The following JAKMIP1 variants were observed in gnomAD, a reference collection of about 807,000 sequenced individuals.
JAKMIP1 encodes janus kinase and microtubule-interacting protein 1.
Under a neutral mutation model 113.0 loss-of-function variants are expected in JAKMIP1, and 33 were observed. The ratio of observed to expected loss-of-function variants is 0.29; its 90% CI spans 0.22 to 0.39. The LOEUF is 0.39. JAKMIP1 is among the 10% of genes least tolerant of loss of function. The pLI is 1.00. For missense variants in JAKMIP1, 813 were observed against 1,080.5 expected (o/e 0.75, Z 3.47); for synonymous variants, 480 against 459.9 (o/e 1.04, Z -0.56).
intron 12 of JAKMIP1, among the ~76,000 whole-genome samples, chr4:6,056,075 C>G (rs1395286057): frequency 6.6e-6 from 1 of 151,228 alleles, no homozygotes; most frequent in African/African-American, 2.4e-5. Context: ...GCTGCCCTCC[C>G]CATTTCTGCA....
chr4:6,116,539 G>C lies in JAKMIP1; in HGVS notation c.-147-3542C>G, dbSNP rs1472817207. ...GACCCTGGACCTTGTCTGGCATATA[G>C]GCCAAGGTTGGCAAATATTCATCTC... On this transcript the variant is annotated intron_variant, in intron 1 of 20. Transcript: ENST00000409021. The surrounding 1 kb of genome is among the most constrained non-coding windows in gnomAD (Gnocchi z 5.1). Among the ~76,000 whole-genome samples the C allele has an allele frequency of 6.6e-6, 1 of 152,184 alleles. No homozygotes were observed. The highest frequency in any genetic ancestry group is 2.4e-5 in the African/African-American group (1 of 41,446).
At chr4:6,085,989 T>C (rs981545254) in intron 3 of JAKMIP1, among the ~76,000 whole-genome samples, 1 of 151,554 alleles carries the variant, frequency 6.6e-6, no homozygotes, top group African/African-American at 2.4e-5. Flanking sequence ...CTGGCTTCTC[T>C]CTCCGTCTCC....
At chr4:6,160,655 T>C (rs1005766900) in intron 1 of JAKMIP1, among the ~76,000 whole-genome samples, 6 of 152,074 alleles carry the variant, frequency 3.9e-5, no homozygotes, top group African/African-American at 1.4e-4. Flanking sequence ...CTCATCCCCA[T>C]TCAAACAAAA....
chr4:6,049,072 G>A lies in JAKMIP1; in HGVS notation c.1963-150C>T, dbSNP rs1384984984. The A allele has an allele frequency of 1.5e-6, 1 of 649,070 alleles. No individual in the cohort carries two copies. Among genetic ancestry groups the A allele is most frequent in the African/African-American group, 1.8e-5 (1 of 55,222 alleles). The allele number at this position is 649,070 out of a possible 1,614,324, so 40.2% of individuals were successfully genotyped here. A position where few individuals can be genotyped will look rare whatever the true frequency, so the allele number is the denominator to read the frequency against. On this transcript the variant is annotated intron_variant, in intron 15 of 20. Transcript: ENST00000409021. The surrounding 1 kb of genome is among the most constrained non-coding windows in gnomAD (Gnocchi z 7.0). ...AGACGGAGTCTCTCTCTGTCACCTG[G>A]GTTTGAGTGCAGTGGTGTGATCTCG...
At chr4:6,087,476 C>T (rs1721467299) in intron 3 of JAKMIP1, among the ~76,000 whole-genome samples, 1 of 152,082 alleles carries the variant, frequency 6.6e-6, no homozygotes, top group Non-Finnish European at 1.5e-5. Context: ...TCTTCTAGCC[C>T]CTAGGTAACA....
intron 1 of JAKMIP1, among the ~76,000 whole-genome samples, chr4:6,118,658 C>T (rs1185548769): frequency 6.6e-6 from 1 of 152,060 alleles, no homozygotes; most frequent in Non-Finnish European, 1.5e-5. Flanking sequence ...TTCCTCTCTT[C>T]ATTAAAGCAC....
chr4:6,046,334 C>T lies in JAKMIP1; in HGVS notation c.2028+2523G>A, dbSNP rs2108762452. 2.6e-5 allele frequency among the ~76,000 whole-genome samples: 4 copies of T among 152,376 alleles called. No homozygotes were observed. The Middle Eastern group carries it at 0.014, about 518-fold the overall frequency. On this transcript the variant is annotated intron_variant, in intron 16 of 20. Coordinates refer to ENST00000409021, the MANE Select transcript of JAKMIP1 (RefSeq NM_001099433.2). ...CCCAAGCTTACTGGACCTTTATCCA[C>T]AGACAAATGGCAGGGCCAGTGTCTC...
chr4:6,063,179 A>G (rs956571681), intron 9 of JAKMIP1, among the ~76,000 whole-genome samples: 2 of 152,098 alleles, frequency 1.3e-5, no homozygotes, highest in African/African-American at 4.8e-5. Context: ...GTGTAAAGAC[A>G]CAAATACGAA....
chr4:6,132,313 T>A (rs1235936440), intron 1 of JAKMIP1, among the ~76,000 whole-genome samples: 1 of 152,168 alleles, frequency 6.6e-6, no homozygotes, highest in Non-Finnish European at 1.5e-5. Flanking sequence ...ACACTTGATA[T>A]GTTCAGAAGG....
intron 1 of JAKMIP1, among the ~76,000 whole-genome samples, chr4:6,144,295 G>A (rs913548000): frequency 1.3e-5 from 2 of 152,154 alleles, no homozygotes; most frequent in African/African-American, 4.8e-5. Flanking sequence ...ATGGCTGCAG[G>A]GGTGAATTCT....
intron 1 of JAKMIP1, among the ~76,000 whole-genome samples, chr4:6,123,705 T>A (rs1392142556): frequency 6.6e-6 from 1 of 152,040 alleles, no homozygotes; most frequent in Non-Finnish European, 1.5e-5. Context: ...CCTGTAGTCC[T>A]AGCTACCCAG....
Position 6,180,259 on chromosome 4 carries a change from G to A in JAKMIP1, c.-148+19994C>T, listed in dbSNP as rs982698238. ...ATAATTTCTGATAAAATTGCTACTC[G>A]TAACATTCAGAACCCACAAAAAATT... On this transcript the variant is annotated intron_variant, in intron 1 of 20. Transcript: ENST00000409021. The surrounding 1 kb of genome is among the most constrained non-coding windows in gnomAD (Gnocchi z 4.5). Among the ~76,000 whole-genome samples the A allele has an allele frequency of 1.2e-4, 19 of 152,112 alleles. No homozygotes were observed. The highest frequency in any genetic ancestry group is 2.6e-4 in the Admixed American group (4 of 15,264).
In JAKMIP1 at chr4:6,036,902, C is replaced by T. The variant is rs566789535; in HGVS notation, c.2176-795G>A. Among the ~76,000 whole-genome samples, 3 of 151,720 alleles carry T rather than the reference C, an allele frequency of 2.0e-5. No homozygotes were observed. The East Asian group carries it at 5.8e-4, about 29-fold the overall frequency. On this transcript the variant is annotated intron_variant, in intron 18 of 20. Coordinates refer to ENST00000409021, the MANE Select transcript of JAKMIP1 (RefSeq NM_001099433.2). The stretch of plus-strand genomic sequence containing the variant: ...TTTCAATAGAAACATGGTACTGAGG[C>T]AGAGGTTAACCATTAGCCCTCCATC...
intron 3 of JAKMIP1, among the ~76,000 whole-genome samples, chr4:6,099,793 A>T (rs1387105416): frequency 6.6e-6 from 1 of 152,180 alleles, no homozygotes; most frequent in African/African-American, 2.4e-5. Flanking sequence ...TTTTACCTAA[A>T]ATGTCTTTAT....
chr4:6,029,488 T>C (rs1446158133), intron 20 of JAKMIP1, among the ~76,000 whole-genome samples: 3 of 152,166 alleles, frequency 2.0e-5, no homozygotes, highest in Admixed American at 6.5e-5. Context: ...CACACAGAGT[T>C]GGCCCCGGCC....
In JAKMIP1 at chr4:6,116,762, T is replaced by C. The variant is rs1372122533; in HGVS notation, c.-147-3765A>G. On this transcript the variant is annotated intron_variant, in intron 1 of 20. Transcript: ENST00000409021. The surrounding 1 kb of genome is among the most constrained non-coding windows in gnomAD (Gnocchi z 5.1). ...CAAGGTCCCAGCCATCACAGAACGG[T>C]CTAGTCAGGAACACCACTATGGAAA... Among the ~76,000 whole-genome samples the C allele has an allele frequency of 6.6e-6, 1 of 152,066 alleles. No individual in the cohort carries two copies. The highest frequency in any genetic ancestry group is 2.4e-5 in the African/African-American group (1 of 41,380).
rs1410868506 is a variant in JAKMIP1, at chr4:6,179,665, G to C, written c.-148+20588C>G. ...CTGAGTCAGGCTGCATGGGTCTCTT[G>C]GGGTATCACTCCTGCCCCCAGACCA... On this transcript the variant is annotated intron_variant, in intron 1 of 20. Transcript: ENST00000409021. This position sits in a 1 kb window ranked among gnomAD's most constrained non-coding sequence, Gnocchi z 4.5. Among the ~76,000 whole-genome samples the C allele has an allele frequency of 1.3e-5, 2 of 152,200 alleles. No individual in the cohort carries two copies. The highest frequency in any genetic ancestry group is 2.4e-5 in the African/African-American group (1 of 41,446).
chr4:6,112,755 G>C lies in JAKMIP1; in HGVS notation c.96C>G (p.Ser32Arg). The part of the protein sequence containing the change: ...ANEELRAKLT[S>R]IQIEFQQEKS... Reference sequence around the variant, plus strand: ...TTTCCTGCTGGAACTCGATCTGAATGCTGGTCAGCTTGGCCCGCAGCTCCT... The same window carrying C: ...TTTCCTGCTGGAACTCGATCTGAATCCTGGTCAGCTTGGCCCGCAGCTCCT... The change falls in exon 2 of 21, where the codon AGC becomes AGG. Residue 32 changes from serine to arginine, a missense_variant. Coordinates refer to ENST00000409021, the MANE Select transcript of JAKMIP1 (RefSeq NM_001099433.2). 1 of 1,614,014 alleles carries C rather than the reference G, an allele frequency of 6.2e-7. No individual in the cohort carries two copies. Among genetic ancestry groups the C allele is most frequent in the Non-Finnish European group, 8.5e-7 (1 of 1,180,026 alleles).
chr4:6,066,371 C>A (rs1449003416), intron 8 of JAKMIP1, among the ~76,000 whole-genome samples: 1 of 152,140 alleles, frequency 6.6e-6, no homozygotes, highest in Admixed American at 6.5e-5. Context: ...AGGCACCCAC[C>A]ACCACACGTC....
Sources: gnomAD v4.1 joint callset for allele counts (sites outside exome capture counted in the v4.1 genomes callset) on GRCh38, gnomAD v4.1.1 for gene constraint, Gnocchi (gnomAD v3.1) non-coding constraint, MANE v1.5 for transcripts, NCBI Gene and HGNC (gene_info 2026-07-23, HGNC 2026-07-21) for gene names.